NLK: variants seen among roughly 807,000 people sequenced by gnomAD.
NLK encodes serine/threonine-protein kinase NLK.
Under a neutral mutation model 59.0 loss-of-function variants are expected in NLK, and 11 were observed. The ratio of observed to expected loss-of-function variants is 0.19; its 90% CI spans 0.12 to 0.31. NLK has a LOEUF of 0.31. Ranked by LOEUF, NLK falls within the 10% of genes least tolerant of loss-of-function variation. The pLI is 1.00. For missense variants in NLK, 410 were observed against 661.1 expected (o/e 0.62, Z 4.16); for synonymous variants, 235 against 235.9 (o/e 1.00, Z 0.03).
intron 3 of NLK, among the ~76,000 whole-genome samples, chr17:28,147,982 G>GA (rs1489152642): frequency 1.3e-5 from 2 of 152,204 alleles, no homozygotes; most frequent in South Asian, 2.1e-4. Context: ...GAAAGAAATG[G>GA]AAAAATAAAT....
At chr17:28,057,085 G>A (rs905992032) in intron 1 of NLK, among the ~76,000 whole-genome samples, 2 of 151,540 alleles carry the variant, frequency 1.3e-5, no homozygotes, top group Non-Finnish European at 2.9e-5. Flanking sequence ...CTCCTGAGTA[G>A]CTGGGATTAC....
At chr17:28,115,651 TA>T (rs1905732065) in intron 1 of NLK, among the ~76,000 whole-genome samples, 1 of 152,188 alleles carries the variant, frequency 6.6e-6, no homozygotes, top group Non-Finnish European at 1.5e-5. Flanking sequence ...AGAAAAACTT[TA>T]AAACTACTTC....
At chr17:28,162,565 A>T (rs954145174) in intron 4 of NLK, among the ~76,000 whole-genome samples, 1 of 152,118 alleles carries the variant, frequency 6.6e-6, no homozygotes, top group Non-Finnish European at 1.5e-5. Flanking sequence ...TGAACCCAGG[A>T]GGTGGAGGCT....
At position 28,122,847 on chromosome 17, in the gene NLK, T is replaced by C. The variant is rs746000112; in HGVS notation, c.588+115T>C. 42 of 1,099,724 alleles carry C rather than the reference T, an allele frequency of 3.8e-5. No homozygotes were observed. In the Middle Eastern group the frequency reaches 7.7e-4, roughly 20 times the overall value. 68.1% of individuals were successfully genotyped at this position (1,099,724 alleles called of 1,614,324 possible). ...ATAAGTAAAATTTGGAAATTGGCTA[T>C]AGTTTTATGCCAAATGTGAAAAGAA... On this transcript the variant is annotated intron_variant, in intron 2 of 10. Transcript: ENST00000407008.
At chr17:28,047,260 A>G (rs1328143792) in intron 1 of NLK, among the ~76,000 whole-genome samples, 2 of 152,192 alleles carry the variant, frequency 1.3e-5, no homozygotes, top group African/African-American at 4.8e-5. Context: ...TGTGCATGGA[A>G]GTGTCTTCAT....
At chr17:28,076,625 TTC>T (rs936362462) in intron 1 of NLK, among the ~76,000 whole-genome samples, 4 of 152,204 alleles carry the variant, frequency 2.6e-5, no homozygotes, top group Non-Finnish European at 5.9e-5. Flanking sequence ...CTTTTAACTT[TTC>T]TGTTAGAAAT....
chr17:28,076,849 G>C (rs1037835048), intron 1 of NLK, among the ~76,000 whole-genome samples: 9 of 152,020 alleles, frequency 5.9e-5, no homozygotes, highest in Admixed American at 2.6e-4. Flanking sequence ...TGTAGTAATT[G>C]GACTTTTGTA....
chr17:28,173,376 A>G (rs1908549407), intron 7 of NLK, among the ~76,000 whole-genome samples: 1 of 152,152 alleles, frequency 6.6e-6, no homozygotes, highest in Admixed American at 6.5e-5. Context: ...TATCTGATTG[A>G]TGGTACCAAA....
chr17:28,110,851 T>G (rs984888988), intron 1 of NLK, among the ~76,000 whole-genome samples: 1 of 151,858 alleles, frequency 6.6e-6, no homozygotes, highest in Admixed American at 6.5e-5. Flanking sequence ...TTGTTTGTTT[T>G]TGTTTTTTTT....
At chr17:28,120,339 C>T (rs1015857931) in intron 1 of NLK, among the ~76,000 whole-genome samples, 2 of 151,838 alleles carry the variant, frequency 1.3e-5, no homozygotes, top group Non-Finnish European at 2.9e-5. Context: ...AACTCCTGGC[C>T]TCAAGTGATC....
intron 1 of NLK, 35 bp from the exon 2 acceptor site, chr17:28,122,567 CT>C (rs760061032): frequency 7.5e-6 from 12 of 1,608,554 alleles, no homozygotes; most frequent in South Asian, 4.4e-5. Flanking sequence ...ATTTCTCTGT[CT>C]TTTTTTTCCC....
At chr17:28,191,405 G>A (rs557243441) in intron 9 of NLK, among the ~76,000 whole-genome samples, 186 bp downstream of exon 9, 4 of 152,268 alleles carry the variant, frequency 2.6e-5, no homozygotes, top group Admixed American at 6.5e-5. Context: ...GGGGAAGGTC[G>A]GGGAGAGGAA....
chr17:28,204,612 A>G, the NLK span, among the ~76,000 whole-genome samples: 1 of 152,204 alleles, frequency 6.6e-6, no homozygotes, highest in Non-Finnish European at 1.5e-5. Context: ...TATTCTAGGC[A>G]CTGGGGATAC....
At chr17:28,082,317 C>T (rs1028976400) in intron 1 of NLK, among the ~76,000 whole-genome samples, 1 of 152,120 alleles carries the variant, frequency 6.6e-6, no homozygotes, top group African/African-American at 2.4e-5. Context: ...TCTGGGTAAT[C>T]TTGTGTTTCA....
chr17:28,103,128 G>T (rs1904959840), intron 1 of NLK, among the ~76,000 whole-genome samples: 1 of 152,106 alleles, frequency 6.6e-6, no homozygotes, highest in Non-Finnish European at 1.5e-5. Context: ...ATAAAAAGTT[G>T]AGGAATGGTG....
the NLK span, among the ~76,000 whole-genome samples, chr17:28,204,165 T>G: frequency 6.6e-6 from 1 of 152,216 alleles, no homozygotes; most frequent in Non-Finnish European, 1.5e-5. Context: ...ATGACAAAAC[T>G]GAGGTTCCTA....
intron 1 of NLK, among the ~76,000 whole-genome samples, chr17:28,062,612 A>G (rs1024618292): frequency 1.3e-5 from 2 of 152,192 alleles, no homozygotes; most frequent in African/African-American, 4.8e-5. Flanking sequence ...AGACAGTCTC[A>G]TTCTATTGCC....
At chr17:28,122,842 G>A in intron 2 of NLK, 110 bp downstream of exon 2, 2 of 1,238,964 alleles carry the variant, frequency 1.6e-6, no homozygotes, top group Non-Finnish European at 2.3e-6. Context: ...TTTGGAAATT[G>A]GCTATAGTTT....
intron 1 of NLK, among the ~76,000 whole-genome samples, chr17:28,083,428 A>C (rs985873200): frequency 6.6e-5 from 10 of 152,206 alleles, no homozygotes; most frequent in Admixed American, 6.5e-4. Context: ...TATCACATTC[A>C]GAAAGGCAAA....
Sources: allele counts gnomAD v4.1 joint callset (sites outside exome capture counted in the v4.1 genomes callset), GRCh38; gene constraint gnomAD v4.1.1; transcripts MANE v1.5; gene names NCBI Gene and HGNC (gene_info 2026-07-23, HGNC 2026-07-21).